ANKS1B: variants seen among roughly 807,000 people sequenced by gnomAD.
ANKS1B encodes ankyrin repeat and sterile alpha motif domain-containing protein 1B.
Under a neutral mutation model 148.3 loss-of-function variants are expected in ANKS1B, and 36 were observed. The observed-to-expected ratio is 0.24, with a 90% CI of 0.19 to 0.32. ANKS1B has a LOEUF of 0.32. ANKS1B is among the 10% of genes least tolerant of loss of function. ANKS1B has a pLI of 1.00. For missense variants in ANKS1B, 1,157 were observed against 1,542.6 expected (o/e 0.75, Z 4.19); for synonymous variants, 542 against 560.8 (o/e 0.97, Z 0.47).
chr12:99,106,421 C>T lies in ANKS1B; in HGVS notation c.2527-21398G>A, dbSNP rs1308456291. Among the ~76,000 whole-genome samples the T allele has an allele frequency of 2.0e-5, 3 of 152,212 alleles. No homozygotes were observed. The East Asian group carries it at 5.8e-4, about 29-fold the overall frequency. On this transcript the variant is annotated intron_variant, in intron 15 of 26. Transcript: ENST00000683438. ...TGTCCTTCTACACTTGAGTGGCCTA[C>T]AGCCATGTATTCTTCTAAATCATGT... is the stretch of plus-strand genomic sequence containing the variant.
At chr12:99,555,471 C>T (rs752239869) in intron 9 of ANKS1B, among the ~76,000 whole-genome samples, 6 of 152,096 alleles carry the variant, frequency 3.9e-5, no homozygotes, top group Non-Finnish European at 5.9e-5. Flanking sequence ...ACTTCCAGTA[C>T]GATATTGAAT....
intron 15 of ANKS1B, among the ~76,000 whole-genome samples, chr12:99,095,994 C>T (rs1189947532): frequency 6.6e-6 from 1 of 152,116 alleles, no homozygotes; most frequent in Non-Finnish European, 1.5e-5. Flanking sequence ...GAGTGGGTTT[C>T]AGCTTATAAT....
chr12:99,152,813 T>G (rs964279490), intron 15 of ANKS1B, among the ~76,000 whole-genome samples: 1 of 152,066 alleles, frequency 6.6e-6, no homozygotes, highest in African/African-American at 2.4e-5. Context: ...ACATAAATAA[T>G]AAAAAAAGAC....
chr12:99,349,662 G>A (rs1434372319), intron 12 of ANKS1B, among the ~76,000 whole-genome samples: 1 of 151,980 alleles, frequency 6.6e-6, no homozygotes, highest in Non-Finnish European at 1.5e-5. Flanking sequence ...CCTAACAACT[G>A]AGTCCCAAAA....
intron 23 of ANKS1B, 110 bp from the exon 24 acceptor site, chr12:98,781,313 AAC>A (rs59308427): frequency 0.19 from 92,295 of 476,566 alleles, 782 homozygotes; most frequent in Non-Finnish European, 0.21. Flanking sequence ...AAACAACAAC[AAC>A]ACACACACAC....
At chr12:98,754,219 A>G (rs2098173130) in intron 25 of ANKS1B, among the ~76,000 whole-genome samples, 1 of 152,214 alleles carries the variant, frequency 6.6e-6, no homozygotes, top group Non-Finnish European at 1.5e-5. Context: ...CACTGAGCCC[A>G]TGTTTGCCTC....
At chr12:99,053,423 C>T (rs544024988) in intron 16 of ANKS1B, 114 bp from the exon 17 acceptor site, 43 of 788,120 alleles carry the variant, frequency 5.5e-5, no homozygotes, top group African/African-American at 2.9e-4. Flanking sequence ...TTTCTGGAGA[C>T]GGAAACAAGG....
chr12:99,640,315 C>T (rs954980073), intron 9 of ANKS1B, among the ~76,000 whole-genome samples: 2 of 152,146 alleles, frequency 1.3e-5, no homozygotes, highest in Non-Finnish European at 2.9e-5. Context: ...ACAAGTGAAT[C>T]AAAAATACCT....
At chr12:99,219,118 C>T (rs570298677) in intron 14 of ANKS1B, among the ~76,000 whole-genome samples, 1 of 152,246 alleles carries the variant, frequency 6.6e-6, no homozygotes, top group African/African-American at 2.4e-5. Context: ...CTAGATGAGT[C>T]ACCAATGAAT....
At chr12:99,853,045 C>T (rs139148043) in intron 1 of ANKS1B, among the ~76,000 whole-genome samples, 2 of 152,222 alleles carry the variant, frequency 1.3e-5, no homozygotes, top group Non-Finnish European at 2.9e-5. Flanking sequence ...CTCCTTTCCC[C>T]CATAGCAGCC....
intron 15 of ANKS1B, among the ~76,000 whole-genome samples, chr12:99,113,236 C>T (rs1011707691): frequency 2.6e-5 from 4 of 151,918 alleles, no homozygotes; most frequent in South Asian, 2.1e-4. Context: ...CTAAACTTAA[C>T]GTGTCCTCAA....
chr12:99,387,102 C>T (rs969717886), intron 12 of ANKS1B, among the ~76,000 whole-genome samples: 7 of 152,074 alleles, frequency 4.6e-5, no homozygotes, highest in African/African-American at 7.2e-5. Context: ...ATGCAATAGT[C>T]GAAGCATGTG....
chr12:99,782,745 G>A (rs1187188660), intron 4 of ANKS1B, among the ~76,000 whole-genome samples: 1 of 152,148 alleles, frequency 6.6e-6, no homozygotes, highest in Non-Finnish European at 1.5e-5. Flanking sequence ...AAGAGTAGCT[G>A]ATGGATATTC....
At chr12:99,422,770 T>C (rs2095129756) in intron 11 of ANKS1B, among the ~76,000 whole-genome samples, 1 of 152,134 alleles carries the variant, frequency 6.6e-6, no homozygotes, top group Non-Finnish European at 1.5e-5. Flanking sequence ...ATGATGGCAT[T>C]GACTTGAGTA....
intron 9 of ANKS1B, among the ~76,000 whole-genome samples, chr12:99,515,682 G>A (rs1404852748): frequency 2.6e-5 from 4 of 151,974 alleles, no homozygotes; most frequent in South Asian, 2.1e-4. Flanking sequence ...TGGGGGTGGG[G>A]GGTGTATATA....
chr12:99,196,055 T>C (rs1601592946), intron 14 of ANKS1B, among the ~76,000 whole-genome samples: 2 of 152,156 alleles, frequency 1.3e-5, no homozygotes, highest in Admixed American at 1.3e-4. Context: ...AAGTAATAAA[T>C]GCCAAATCAT....
At chr12:98,814,486 C>T (rs2099123617) in intron 19 of ANKS1B, among the ~76,000 whole-genome samples, 1 of 152,230 alleles carries the variant, frequency 6.6e-6, no homozygotes, top group Non-Finnish European at 1.5e-5. Flanking sequence ...ACTGCCAACA[C>T]ACTTCCGGTT....
At chr12:99,598,573 A>G (rs185828080) in intron 9 of ANKS1B, among the ~76,000 whole-genome samples, 95 of 152,178 alleles carry the variant, frequency 6.2e-4, no homozygotes, top group African/African-American at 2.2e-3. Flanking sequence ...TGCCACTTAT[A>G]CCACTACTAT....
At chr12:99,812,048 G>A (rs2068438128) in intron 3 of ANKS1B, 107 bp downstream of exon 3, 1 of 1,337,370 alleles carries the variant, frequency 7.5e-7, no homozygotes. Flanking sequence ...ATTCAGCAAT[G>A]GAAAGGCCTT....
Sources: gnomAD v4.1 joint callset for allele counts (sites outside exome capture counted in the v4.1 genomes callset) on GRCh38, gnomAD v4.1.1 for gene constraint, MANE v1.5 for transcripts, NCBI Gene and HGNC (gene_info 2026-07-23, HGNC 2026-07-21) for gene names.